The following CNTN5 variants were observed in gnomAD, a reference collection of about 807,000 sequenced individuals.
The protein encoded by CNTN5 is contactin-5.
In CNTN5, 77 loss-of-function variants were observed where a neutral mutation model predicts 129.1. The observed-to-expected ratio is 0.60, with a 90% confidence interval of 0.50 to 0.72. The LOEUF (loss-of-function observed/expected upper bound fraction) is 0.72, where lower values mean the gene tolerates loss of function less well. CNTN5 is among the 30% of genes least tolerant of loss of function. The probability of loss-of-function intolerance (pLI) is 0.00; values close to 1 mark genes in which losing one functional copy is unlikely to be tolerated. For synonymous variants in CNTN5, 509 were observed against 465.6 expected (o/e 1.09, Z -1.20); for missense variants, 1,478 against 1,328.8 (o/e 1.11, Z -1.75).
At chr11:99,776,462 A>G (rs1486314043) in intron 3 of CNTN5, among the ~76,000 whole-genome samples, 1 of 151,800 alleles carries the variant, frequency 6.6e-6, no homozygotes, top group East Asian at 1.9e-4. Context: ...TTCCTAGGCC[A>G]TTTTTGGGAA....
intron 13 of CNTN5, among the ~76,000 whole-genome samples, chr11:100,111,624 T>G (rs1945660740): frequency 6.6e-6 from 1 of 152,234 alleles, no homozygotes; most frequent in Non-Finnish European, 1.5e-5. Context: ...TATGAATTAA[T>G]TTTTTATTCT....
At chr11:100,027,125 C>G (rs1007644324) in intron 9 of CNTN5, among the ~76,000 whole-genome samples, 2 of 152,218 alleles carry the variant, frequency 1.3e-5, no homozygotes, top group East Asian at 3.9e-4. Flanking sequence ...TTCTTGTTTA[C>G]TAACTCCATC....
intron 7 of CNTN5, among the ~76,000 whole-genome samples, chr11:99,944,406 A>G (rs1297244585): frequency 2.0e-5 from 3 of 152,094 alleles, no homozygotes; most frequent in African/African-American, 7.2e-5. Flanking sequence ...AGCCAATATC[A>G]TACCGAATGG....
intron 1 of CNTN5, among the ~76,000 whole-genome samples, chr11:99,148,767 G>T (rs1000138624): frequency 2.6e-5 from 4 of 152,174 alleles, no homozygotes; most frequent in Admixed American, 2.0e-4. Context: ...TATTTGCTAT[G>T]TAGCCATCTT....
chr11:99,785,762 T>C (rs1238861646), intron 3 of CNTN5, among the ~76,000 whole-genome samples: 1 of 152,100 alleles, frequency 6.6e-6, no homozygotes, highest in African/African-American at 2.4e-5. Flanking sequence ...ACCGCCTGAT[T>C]TTCTCAATAG....
At chr11:99,877,294 C>A (rs545937225) in intron 6 of CNTN5, among the ~76,000 whole-genome samples, 14 of 152,270 alleles carry the variant, frequency 9.2e-5, no homozygotes, top group Non-Finnish European at 1.9e-4. Context: ...ACAGATCTAT[C>A]TTTAATTGAA....
At chr11:99,146,156 G>A (rs1038770014) in intron 1 of CNTN5, among the ~76,000 whole-genome samples, 1 of 152,082 alleles carries the variant, frequency 6.6e-6, no homozygotes, top group East Asian at 1.9e-4. Context: ...ATGGATTTAT[G>A]TAATCTATAT....
In CNTN5 at chr11:99,477,029, T is replaced by A. The variant is rs143755967; in HGVS notation, c.-70-79116T>A. On this transcript the variant is annotated intron_variant, in intron 2 of 24. Coordinates refer to ENST00000524871, the MANE Select transcript of CNTN5 (RefSeq NM_014361.4). ...CCAGTCAGACTTTCTTTAAAAAAAA[T>A]TTATCCATTTTTATTTCTCTCTTAG... Among the ~76,000 whole-genome samples the A allele has an allele frequency of 9.8e-3, 1,482 of 151,820 alleles. 25 individuals are homozygous for A. The highest frequency in any genetic ancestry group is 0.033 in the African/African-American group (1,384 of 41,416).
chr11:99,424,666 C>A (rs576647111), intron 2 of CNTN5, among the ~76,000 whole-genome samples: 382 of 152,374 alleles, frequency 2.5e-3, no homozygotes, highest in Non-Finnish European at 3.9e-3. Context: ...AATGGCAGAG[C>A]CCCAAAGAGG....
intron 8 of CNTN5, among the ~76,000 whole-genome samples, chr11:99,996,180 A>G (rs892814617): frequency 3.3e-5 from 5 of 151,966 alleles, no homozygotes; most frequent in Admixed American, 1.3e-4. Flanking sequence ...GAGTTTTGCC[A>G]ATTCAGTTAT....
intron 3 of CNTN5, among the ~76,000 whole-genome samples, chr11:99,800,583 A>G (rs1248177195): frequency 3.3e-5 from 5 of 152,106 alleles, no homozygotes; most frequent in African/African-American, 1.2e-4. Context: ...TAAGTCTATC[A>G]GAGGTCTAAA....
intron 18 of CNTN5, among the ~76,000 whole-genome samples, chr11:100,272,350 T>C (rs1016604575): frequency 1.3e-5 from 2 of 152,184 alleles, no homozygotes; most frequent in Non-Finnish European, 2.9e-5. Context: ...ATTAACTGTG[T>C]CCATTGTGTA....
chr11:99,970,770 C>T (rs1401623271), intron 8 of CNTN5, among the ~76,000 whole-genome samples: 7 of 152,060 alleles, frequency 4.6e-5, no homozygotes, highest in East Asian at 1.9e-4. Flanking sequence ...ATTGTAAAAA[C>T]GTAAACTCCC....
chr11:99,220,020 G>A (rs989001394), intron 1 of CNTN5, among the ~76,000 whole-genome samples: 1 of 151,916 alleles, frequency 6.6e-6, no homozygotes, highest in African/African-American at 2.4e-5. Flanking sequence ...AGAGAAAATG[G>A]CAATACATAG....
At chr11:99,851,265 G>T (rs1182944336) in intron 6 of CNTN5, among the ~76,000 whole-genome samples, 1 of 152,162 alleles carries the variant, frequency 6.6e-6, no homozygotes, top group Admixed American at 6.5e-5. Context: ...GAGAAGCTGT[G>T]TTAATGAACT....
At chr11:99,146,099 C>G (rs766875349) in intron 1 of CNTN5, among the ~76,000 whole-genome samples, 5 of 152,018 alleles carry the variant, frequency 3.3e-5, no homozygotes, top group Non-Finnish European at 5.9e-5. Flanking sequence ...TTACCCTGCT[C>G]TTATCAACCA....
rs1229301194 is a variant in CNTN5, at chr11:99,387,834, A to C, written c.-71+62350A>C. ...TTACCATGCTGTTGCCACTTTTTAG[A>C]GTAGTGAGTTGTTTTTAACCTTGGC... is the stretch of plus-strand genomic sequence containing the variant. On this transcript the variant is annotated intron_variant, in intron 2 of 24. Coordinates refer to ENST00000524871, the MANE Select transcript of CNTN5 (RefSeq NM_014361.4). Among the ~76,000 whole-genome samples, 4 of 152,114 alleles carry C rather than the reference A, an allele frequency of 2.6e-5. No homozygotes were observed. The South Asian group carries it at 8.3e-4, about 32-fold the overall frequency.
intron 2 of CNTN5, among the ~76,000 whole-genome samples, chr11:99,425,732 G>A (rs1943092028): frequency 6.6e-6 from 1 of 152,236 alleles, no homozygotes; most frequent in African/African-American, 2.4e-5. Context: ...GCCGAGGTCT[G>A]CAGCCATGGC....
intron 1 of CNTN5, among the ~76,000 whole-genome samples, chr11:99,236,988 T>G (rs1316263466): frequency 1.3e-5 from 2 of 152,154 alleles, no homozygotes; most frequent in Non-Finnish European, 2.9e-5. Context: ...ATTTAAATTT[T>G]TCTTTTTTTT....
Sources: gnomAD v4.1 joint callset for allele counts (sites outside exome capture counted in the v4.1 genomes callset) on GRCh38, gnomAD v4.1.1 for gene constraint, MANE v1.5 for transcripts, NCBI Gene and HGNC (gene_info 2026-07-23, HGNC 2026-07-21) for gene names.